The following ASTN2 variants were observed in gnomAD, a reference collection of about 807,000 sequenced individuals.
The protein encoded by ASTN2 is astrotactin-2.
In ASTN2, 54 loss-of-function variants were observed where a neutral mutation model predicts 139.8. The ratio of observed to expected loss-of-function variants is 0.39; its 90% CI spans 0.31 to 0.48. The LOEUF is 0.48. Among genes scored for constraint, ASTN2 ranks in the 20% least tolerant of loss-of-function variants. ASTN2 has a pLI of 0.95. For missense variants in ASTN2, 1,565 were observed against 1,725.1 expected (o/e 0.91, Z 1.64); for synonymous variants, 756 against 719.5 (o/e 1.05, Z -0.81).
chr9:116,813,944 G>C (rs1588314674), intron 12 of ASTN2, among the ~76,000 whole-genome samples: 1 of 151,582 alleles, frequency 6.6e-6, no homozygotes, highest in Admixed American at 6.6e-5. Context: ...GCTGAGGCAG[G>C]AGAATTGTTT....
intron 19 of ASTN2, among the ~76,000 whole-genome samples, chr9:116,597,176 A>G (rs947624735): frequency 6.6e-6 from 1 of 152,058 alleles, no homozygotes; most frequent in African/African-American, 2.4e-5. Flanking sequence ...TCCAGAGGTA[A>G]TTCTCCCCAG....
chr9:116,901,540 A>G (rs1444407842), intron 10 of ASTN2, among the ~76,000 whole-genome samples: 1 of 152,188 alleles, frequency 6.6e-6, no homozygotes, highest in Non-Finnish European at 1.5e-5. Context: ...GTAACAATGC[A>G]TTAATCACCT....
chr9:116,494,097 G>A (rs956577179), intron 19 of ASTN2, among the ~76,000 whole-genome samples: 2 of 152,182 alleles, frequency 1.3e-5, no homozygotes, highest in Non-Finnish European at 2.9e-5. Context: ...CTGAAACATG[G>A]TGTTATTTTA....
intron 19 of ASTN2, among the ~76,000 whole-genome samples, chr9:116,500,656 C>T (rs1849823431): frequency 1.3e-5 from 2 of 152,168 alleles, no homozygotes; most frequent in Non-Finnish European, 2.9e-5. Context: ...TCTGGCTTTG[C>T]TAAATGATTC....
chr9:117,339,538 C>G (rs1045431543), intron 1 of ASTN2, among the ~76,000 whole-genome samples: 27 of 152,104 alleles, frequency 1.8e-4, no homozygotes, highest in African/African-American at 6.5e-4. Flanking sequence ...ACTCCGTTTA[C>G]AAAGAATAAA....
intron 19 of ASTN2, among the ~76,000 whole-genome samples, chr9:116,487,859 T>G (rs1329918457): frequency 6.6e-6 from 1 of 152,064 alleles, no homozygotes; most frequent in African/African-American, 2.4e-5. Context: ...ATTCACTCCC[T>G]GTTAACTCCT....
chr9:116,800,086 G>A (rs1195825508), intron 13 of ASTN2, among the ~76,000 whole-genome samples: 1 of 152,108 alleles, frequency 6.6e-6, no homozygotes, highest in Non-Finnish European at 1.5e-5. Flanking sequence ...GGAATAAACT[G>A]TATTTTGATT....
At chr9:117,067,305 T>C (rs1466905529) in intron 5 of ASTN2, among the ~76,000 whole-genome samples, 1 of 136,508 alleles carries the variant, frequency 7.3e-6, no homozygotes, top group African/African-American at 2.5e-5. Context: ...TTGTCAAAGA[T>C]CAGACAGTTG....
At chr9:117,221,065 T>C (rs950941392) in intron 2 of ASTN2, among the ~76,000 whole-genome samples, 2 of 152,152 alleles carry the variant, frequency 1.3e-5, no homozygotes, top group African/African-American at 4.8e-5. Context: ...AATAAACACA[T>C]CCAGAAGCTG....
At chr9:117,374,421 A>G (rs1830068785) in intron 1 of ASTN2, among the ~76,000 whole-genome samples, 1 of 150,806 alleles carries the variant, frequency 6.6e-6, no homozygotes, top group Non-Finnish European at 1.5e-5. Context: ...CAAACATGAG[A>G]GCTTTTCAAT....
At chr9:116,705,850 A>G (rs1226891934) in intron 16 of ASTN2, among the ~76,000 whole-genome samples, 1 of 152,200 alleles carries the variant, frequency 6.6e-6, no homozygotes, top group Non-Finnish European at 1.5e-5. Context: ...AGTAAAGGGA[A>G]TATCGTGAAC....
intron 22 of ASTN2, among the ~76,000 whole-genome samples, chr9:116,439,769 T>C (rs978904402): frequency 2.0e-5 from 3 of 152,194 alleles, no homozygotes; most frequent in Non-Finnish European, 4.4e-5. Context: ...TGCAGCTTCA[T>C]TGGGTGACCT....
At chr9:116,984,724 T>C (rs757000226) in intron 7 of ASTN2, among the ~76,000 whole-genome samples, 2 of 152,244 alleles carry the variant, frequency 1.3e-5, no homozygotes, top group African/African-American at 2.4e-5. Context: ...GTATAAGTAA[T>C]GTCATCAGGG....
At chr9:117,068,542 T>C (rs1465646466) in intron 5 of ASTN2, among the ~76,000 whole-genome samples, 1 of 116,892 alleles carries the variant, frequency 8.6e-6, no homozygotes, top group Admixed American at 8.2e-5. Context: ...TAGGGAGGAT[T>C]CCCTCTTTTT....
intron 1 of ASTN2, among the ~76,000 whole-genome samples, chr9:117,354,290 A>G (rs112738991): frequency 8.3e-4 from 126 of 152,194 alleles, no homozygotes; most frequent in African/African-American, 2.9e-3. Flanking sequence ...GCCCCTCATC[A>G]TCTGGCCTCT....
chr9:117,247,839 T>C (rs1588130703), intron 2 of ASTN2, among the ~76,000 whole-genome samples: 1 of 152,176 alleles, frequency 6.6e-6, no homozygotes, highest in Admixed American at 6.5e-5. Flanking sequence ...GGCACTGGGG[T>C]GCAGCAGGTG....
chr9:117,028,471 C>T (rs1031846465), intron 6 of ASTN2, among the ~76,000 whole-genome samples: 3 of 152,170 alleles, frequency 2.0e-5, no homozygotes, highest in Non-Finnish European at 4.4e-5. Context: ...CTTATCCTTT[C>T]CCATGTGAAT....
At position 116,424,829 on chromosome 9, in the gene ASTN2, T is replaced by C. The variant is rs1322097591; in HGVS notation, c.*1022A>G. Among the ~76,000 whole-genome samples, 1 of 152,140 alleles carries C rather than the reference T, an allele frequency of 6.6e-6. No individual in the cohort carries two copies. The highest frequency in any genetic ancestry group is 2.4e-5 in the African/African-American group (1 of 41,440). On this transcript the variant is annotated 3_prime_UTR_variant, in exon 23 of 23. Transcript: ENST00000313400. ...GTCTCAAACTCCTGGCCTCAAGTGA[T>C]CCACCTGCCCTGGCCTCCCAAAGTG...
At chr9:116,683,211 G>T (rs978206201) in intron 16 of ASTN2, among the ~76,000 whole-genome samples, 1 of 151,942 alleles carries the variant, frequency 6.6e-6, no homozygotes, top group Non-Finnish European at 1.5e-5. Context: ...AAACTCTGGA[G>T]ACTGTGATAT....
Sources: allele counts gnomAD v4.1 joint callset (sites outside exome capture counted in the v4.1 genomes callset), GRCh38; gene constraint gnomAD v4.1.1; transcripts MANE v1.5; gene names NCBI Gene and HGNC (gene_info 2026-07-23, HGNC 2026-07-21).